The following CHN1 variants were observed in gnomAD, a reference collection of about 807,000 sequenced individuals.
The protein encoded by CHN1 is N-chimaerin.
In CHN1, 37 loss-of-function variants were observed where a neutral mutation model predicts 59.5. That is an observed-to-expected ratio of 0.62 (90% CI 0.48 to 0.82). The LOEUF (loss-of-function observed/expected upper bound fraction) is 0.82, where lower values mean the gene tolerates loss of function less well. Ranked by LOEUF, CHN1 falls within the 40% of genes least tolerant of loss-of-function variation. The pLI, the probability that CHN1 is intolerant of heterozygous loss-of-function variation, is 0.00. For synonymous variants in CHN1, 206 were observed against 200.4 expected, an observed-to-expected ratio of 1.03 and a Z score of -0.24; for missense variants, 469 against 571.0, an observed-to-expected ratio of 0.82 and a Z score of 1.82.
chr2:174,875,053 T>C (rs1687524655), intron 6 of CHN1, among the ~76,000 whole-genome samples: 1 of 151,858 alleles, frequency 6.6e-6, no homozygotes, highest in African/African-American at 2.4e-5. Flanking sequence ...TTTGTATTTT[T>C]AGTAGAGACG....
At chr2:174,849,822 G>T (rs999680523) in intron 6 of CHN1, among the ~76,000 whole-genome samples, 1 of 152,138 alleles carries the variant, frequency 6.6e-6, no homozygotes, top group Non-Finnish European at 1.5e-5. Flanking sequence ...ACTTCCCAAA[G>T]TTGCACAGCT....
At chr2:174,809,921 G>T (rs1685020108) in intron 10 of CHN1, among the ~76,000 whole-genome samples, 1 of 152,170 alleles carries the variant, frequency 6.6e-6, no homozygotes, top group African/African-American at 2.4e-5. Flanking sequence ...TGTAGCAGAG[G>T]TATAATGGCA....
At chr2:174,857,008 G>A (rs1488611103) in intron 6 of CHN1, among the ~76,000 whole-genome samples, 1 of 152,086 alleles carries the variant, frequency 6.6e-6, no homozygotes, top group Non-Finnish European at 1.5e-5. Context: ...GAAACTCATA[G>A]GTAAATCAGA....
chr2:174,905,312 C>A (rs1391283497), intron 5 of CHN1, among the ~76,000 whole-genome samples: 1 of 152,118 alleles, frequency 6.6e-6, no homozygotes, highest in Non-Finnish European at 1.5e-5. Flanking sequence ...AGACAGTCAT[C>A]CTCTTTATGT....
intron 7 of CHN1, among the ~76,000 whole-genome samples, chr2:174,839,760 C>T (rs944332613): frequency 2.0e-5 from 3 of 152,084 alleles, no homozygotes; most frequent in Admixed American, 1.3e-4. Context: ...TGTGCCACCA[C>T]GCCCAGCTAA....
chr2:174,925,526 A>G (rs1481860974), intron 3 of CHN1, among the ~76,000 whole-genome samples: 1 of 152,180 alleles, frequency 6.6e-6, no homozygotes, highest in East Asian at 1.9e-4. Flanking sequence ...GGAGTGATTA[A>G]ACAAGAATGT....
chr2:175,003,938 G>C (rs1464556428), intron 1 of CHN1, among the ~76,000 whole-genome samples: 1 of 152,204 alleles, frequency 6.6e-6, no homozygotes, highest in Non-Finnish European at 1.5e-5. Flanking sequence ...TTTGAGGTAT[G>C]TAACACCTCT....
At chr2:174,989,201 C>G (rs1319826551) in intron 1 of CHN1, among the ~76,000 whole-genome samples, 1 of 151,738 alleles carries the variant, frequency 6.6e-6, no homozygotes, top group Non-Finnish European at 1.5e-5. Flanking sequence ...CATGGTGAAA[C>G]CCCGTCTCCA....
intron 1 of CHN1, among the ~76,000 whole-genome samples, chr2:174,952,800 T>C (rs1296271939): frequency 1.3e-5 from 2 of 152,082 alleles, no homozygotes; most frequent in Admixed American, 1.3e-4. Context: ...ACAACGAACA[T>C]GAGGTGAACA....
intron 7 of CHN1, 51 bp from the exon 8 acceptor site, chr2:174,824,569 A>T: frequency 9.0e-7 from 1 of 1,116,646 alleles, no homozygotes; most frequent in Non-Finnish European, 1.3e-6. Context: ...CACACGGATG[A>T]GAAGACTGCT....
At chr2:174,895,058 C>T (rs1688172747) in intron 5 of CHN1, among the ~76,000 whole-genome samples, 1 of 151,440 alleles carries the variant, frequency 6.6e-6, no homozygotes, top group Admixed American at 6.6e-5. Context: ...CGCACACACA[C>T]ACACACACAC....
At chr2:174,982,999 G>A (rs556416426) in intron 1 of CHN1, among the ~76,000 whole-genome samples, 1 of 151,992 alleles carries the variant, frequency 6.6e-6, no homozygotes, top group African/African-American at 2.4e-5. Flanking sequence ...AGAGAAAAAA[G>A]AAGACATTAA....
chr2:174,945,028 T>C (rs1346411513), intron 2 of CHN1, 85 bp from the exon 3 acceptor site: 1 of 990,540 alleles, frequency 1.0e-6, no homozygotes, highest in Non-Finnish European at 1.5e-6. Context: ...GGCTGCTTTT[T>C]ATGTTCACAA....
At chr2:174,984,366 CTTTTTTTTTTTT>C (rs397986749) in intron 1 of CHN1, among the ~76,000 whole-genome samples, 1 of 117,214 alleles carries the variant, frequency 8.5e-6, no homozygotes, top group Non-Finnish European at 1.8e-5. Flanking sequence ...GTTTTATAAG[CTTTTTTTTTTTT>C]TTTTTTTTTT....
chr2:174,889,675 G>T (rs1455659869), intron 5 of CHN1, among the ~76,000 whole-genome samples: 2 of 151,902 alleles, frequency 1.3e-5, no homozygotes, highest in Non-Finnish European at 1.5e-5. Context: ...TGACCTCAAA[G>T]AATAAAGAGA....
chr2:174,889,758 T>C (rs1687993764), intron 5 of CHN1, among the ~76,000 whole-genome samples: 1 of 152,098 alleles, frequency 6.6e-6, no homozygotes, highest in South Asian at 2.1e-4. Context: ...ATATATGCAT[T>C]ATGGGAATTC....
chr2:174,944,149 C>T (rs536315651), intron 3 of CHN1, among the ~76,000 whole-genome samples: 1 of 152,098 alleles, frequency 6.6e-6, no homozygotes, highest in Non-Finnish European at 1.5e-5. Context: ...ACTAACAATC[C>T]TACAATAAAA....
At chr2:174,987,685 C>T (rs747617153) in intron 1 of CHN1, among the ~76,000 whole-genome samples, 2 of 152,070 alleles carry the variant, frequency 1.3e-5, no homozygotes, top group Non-Finnish European at 2.9e-5. Flanking sequence ...CCACCTGCCT[C>T]GGCTTCCTAA....
At chr2:174,808,104 C>A (rs914027355) in intron 11 of CHN1, among the ~76,000 whole-genome samples, 6 of 152,168 alleles carry the variant, frequency 3.9e-5, no homozygotes, top group Non-Finnish European at 7.4e-5. Context: ...ACAAAAACTT[C>A]TTGATATAAA....
Sources: gnomAD v4.1 joint callset for allele counts (sites outside exome capture counted in the v4.1 genomes callset) on GRCh38, gnomAD v4.1.1 for gene constraint, MANE v1.5 for transcripts, NCBI Gene and HGNC (gene_info 2026-07-23, HGNC 2026-07-21) for gene names.